ANKS1B: variants seen among roughly 807,000 people sequenced by gnomAD.
ANKS1B encodes the protein ankyrin repeat and sterile alpha motif domain containing 1B, also known as ankyrin repeat and sterile alpha motif domain-containing protein 1B.
In ANKS1B, 36 loss-of-function variants were observed where a neutral mutation model predicts 148.3. The observed-to-expected ratio is 0.24, with a 90% CI of 0.19 to 0.32. The LOEUF (loss-of-function observed/expected upper bound fraction) is 0.32. Ranked by LOEUF, ANKS1B falls within the 10% of genes least tolerant of loss-of-function variation. ANKS1B has a pLI of 1.00. For missense variants in ANKS1B, 1,157 were observed against 1,542.6 expected, an observed-to-expected ratio of 0.75 and a Z score of 4.19; for synonymous variants, 542 against 560.8, an observed-to-expected ratio of 0.97 and a Z score of 0.47.
At chr12:99,847,107 T>C (rs1282755826) in intron 1 of ANKS1B, among the ~76,000 whole-genome samples, 1 of 151,830 alleles carries the variant, frequency 6.6e-6, no homozygotes, top group African/African-American at 2.4e-5. Flanking sequence ...TCTTTTTTCT[T>C]TCTTTTTTTT....
intron 15 of ANKS1B, among the ~76,000 whole-genome samples, chr12:99,096,324 T>C (rs757750062): frequency 2.0e-5 from 3 of 152,184 alleles, no homozygotes; most frequent in Non-Finnish European, 4.4e-5. Context: ...CATTTATTTT[T>C]AGTTTTGGTT....
intron 9 of ANKS1B, among the ~76,000 whole-genome samples, chr12:99,605,325 G>C (rs960326390): frequency 1.3e-5 from 2 of 151,880 alleles, no homozygotes; most frequent in Non-Finnish European, 2.9e-5. Flanking sequence ...TCATTTGTTT[G>C]CAGTGAAAAC....
chr12:99,188,160 A>G (rs1044039186), intron 14 of ANKS1B, among the ~76,000 whole-genome samples: 3 of 152,212 alleles, frequency 2.0e-5, no homozygotes, highest in Non-Finnish European at 4.4e-5. Context: ...CTAAATATAT[A>G]TGCACTCAAT....
intron 15 of ANKS1B, among the ~76,000 whole-genome samples, chr12:99,094,538 G>A (rs1261875808): frequency 6.6e-6 from 1 of 152,148 alleles, no homozygotes; most frequent in Non-Finnish European, 1.5e-5. Flanking sequence ...GACTGGTGAG[G>A]AAAGTCTCTC....
chr12:99,053,717 A>C (rs999022947), intron 16 of ANKS1B, among the ~76,000 whole-genome samples: 5 of 152,232 alleles, frequency 3.3e-5, no homozygotes, highest in Admixed American at 6.5e-5. Flanking sequence ...ACAGCACCAA[A>C]GCATGTGAAA....
At chr12:99,325,385 G>T (rs1408061911) in intron 12 of ANKS1B, among the ~76,000 whole-genome samples, 2 of 152,084 alleles carry the variant, frequency 1.3e-5, no homozygotes, top group South Asian at 2.1e-4. Flanking sequence ...ATGCCCCAAA[G>T]AAATTGGCAG....
chr12:99,311,573 T>C (rs1443245278), intron 12 of ANKS1B, among the ~76,000 whole-genome samples: 1 of 152,156 alleles, frequency 6.6e-6, no homozygotes, highest in South Asian at 2.1e-4. Flanking sequence ...TGTATGCAAA[T>C]TGAAACCACC....
At chr12:99,208,957 A>G (rs1245654872) in intron 14 of ANKS1B, among the ~76,000 whole-genome samples, 1 of 152,136 alleles carries the variant, frequency 6.6e-6, no homozygotes, top group East Asian at 1.9e-4. Context: ...ACTATTTGTG[A>G]GGATTCTTGT....
chr12:99,174,066 TA>T (rs2078099703), intron 14 of ANKS1B, among the ~76,000 whole-genome samples: 1 of 152,234 alleles, frequency 6.6e-6, no homozygotes, highest in Non-Finnish European at 1.5e-5. Context: ...TTGATCTTAC[TA>T]AGAGATCCTC....
At chr12:99,122,422 T>A (rs2063124735) in intron 15 of ANKS1B, among the ~76,000 whole-genome samples, 1 of 152,226 alleles carries the variant, frequency 6.6e-6, no homozygotes, top group Admixed American at 6.5e-5. Flanking sequence ...GGTTTTTACA[T>A]GAATCTTCAA....
chr12:99,822,227 C>T (rs933837617), intron 2 of ANKS1B, among the ~76,000 whole-genome samples: 1 of 152,074 alleles, frequency 6.6e-6, no homozygotes, highest in Non-Finnish European at 1.5e-5. Context: ...CTTGAGTCAC[C>T]ATTCACAGAA....
At position 99,202,856 on chromosome 12, in the gene ANKS1B, G is replaced by A. The variant is rs542746176; in HGVS notation, c.2419+41486C>T. ...CAGTCATGCCACTTGGGGACACTAG[G>A]ACATCTGTATTTGTCTTTATTCCTG... is the stretch of plus-strand genomic sequence containing the variant. On this transcript the variant is annotated intron_variant, in intron 14 of 26. Transcript: ENST00000683438. Among the ~76,000 whole-genome samples, 115 of 152,256 alleles carry A rather than the reference G, an allele frequency of 7.6e-4. 2 individuals are homozygous for A. The South Asian group carries it at 0.023, about 31-fold the overall frequency.
chr12:99,234,804 T>C (rs2087579719), intron 14 of ANKS1B, among the ~76,000 whole-genome samples: 2 of 152,014 alleles, frequency 1.3e-5, no homozygotes, highest in South Asian at 4.1e-4. Flanking sequence ...CCACACTCAG[T>C]ACCCAAAATA....
intron 9 of ANKS1B, among the ~76,000 whole-genome samples, chr12:99,651,951 A>G (rs1437853132): frequency 4.0e-5 from 6 of 151,648 alleles, no homozygotes; most frequent in Non-Finnish European, 5.9e-5. Flanking sequence ...CTATATATAC[A>G]CAAAAATATG....
chr12:98,757,310 C>T (rs1229022428), intron 25 of ANKS1B, among the ~76,000 whole-genome samples: 2 of 152,208 alleles, frequency 1.3e-5, no homozygotes, highest in East Asian at 3.9e-4. Flanking sequence ...GCTGAGGCCC[C>T]AGATGTTGTT....
rs761992858 is a variant in ANKS1B, at chr12:99,085,016, T to C, written c.2534A>G (p.Asn845Ser). 4 of 1,605,982 alleles carry C rather than the reference T, an allele frequency of 2.5e-6. No individual in the cohort carries two copies. The highest frequency in any genetic ancestry group is 3.4e-5 in the Admixed American group (2 of 58,992). Reference protein sequence around the residue: ...GFDNVQFMGSNVMEDQDLLEI... With the variant: ...GFDNVQFMGSSVMEDQDLLEI... ...CAACAAATCCTGATCTTCCATAACATTGCTTCCCTGAAACAAAACAGAAAT... is the reference window on the plus strand; with the variant it reads ...CAACAAATCCTGATCTTCCATAACACTGCTTCCCTGAAACAAAACAGAAAT... Residue 845 changes from asparagine (N) to serine (S), a missense_variant, in exon 16 of 27, where the codon AAT becomes AGT. By Grantham distance (46) the Asn-to-Ser change is conservative. Around this residue, in one of 6 missense-constraint regions of ANKS1B, gnomAD observed 258 missense variants for 497.0 expected, o/e 0.52. Transcript: ENST00000683438.
intron 17 of ANKS1B, among the ~76,000 whole-genome samples, chr12:98,970,500 G>GT (rs1455547461): frequency 2.0e-5 from 3 of 152,278 alleles, no homozygotes; most frequent in Non-Finnish European, 2.9e-5. Flanking sequence ...GATATCAGTA[G>GT]TTTTTTGCAA....
chr12:99,440,547 A>AAG (rs1348896201), intron 11 of ANKS1B, among the ~76,000 whole-genome samples: 1 of 151,854 alleles, frequency 6.6e-6, no homozygotes, highest in Non-Finnish European at 1.5e-5. Context: ...AGATTGCTTC[A>AAG]CAATCTAGAG....
At chr12:98,964,443 T>C (rs1385175927) in intron 17 of ANKS1B, among the ~76,000 whole-genome samples, 1 of 152,224 alleles carries the variant, frequency 6.6e-6, no homozygotes, top group African/African-American at 2.4e-5. Context: ...ATCCCACTGC[T>C]AGGTATATAC....
Sources: gnomAD v4.1 joint callset for allele counts (sites outside exome capture counted in the v4.1 genomes callset) on GRCh38, gnomAD v4.1.1 for gene constraint, gnomAD v4.1.1 regional missense constraint, MANE v1.5 for transcripts, NCBI Gene and HGNC (gene_info 2026-07-23, HGNC 2026-07-21) for gene names.